Variants in IL16 observed in about 807,000 individuals in gnomAD.
IL16 encodes interleukin 16.
Under a neutral mutation model 110.1 loss-of-function variants are expected in IL16, and 67 were observed. That is an observed-to-expected ratio of 0.61 (90% CI 0.50 to 0.75). The LOEUF is 0.75. Ranked by LOEUF, IL16 falls within the 30% of genes least tolerant of loss-of-function variation. The pLI is 0.00. For synonymous variants in IL16, 689 were observed against 662.9 expected (o/e 1.04, Z -0.61); for missense variants, 1,545 against 1,655.0 (o/e 0.93, Z 1.15).
chr15:81,199,202 C>A (rs1895721417), intron 1 of IL16, among the ~76,000 whole-genome samples: 1 of 151,928 alleles, frequency 6.6e-6, no homozygotes, highest in Admixed American at 6.6e-5. Context: ...GCAAAATAAA[C>A]AAATAGTTCC....
In IL16 at chr15:81,216,377, G is replaced by T. The variant is rs555725315; in HGVS notation, c.-101-8922G>T. On this transcript the variant is annotated intron_variant, in intron 1 of 18. Transcript: ENST00000683961. The stretch of plus-strand genomic sequence containing the variant: ...TCACTGCTTTCCCAGGAGCTGTTTG[G>T]GCCAGGAACTAGCCTAATAGCGTTT... Among the ~76,000 whole-genome samples the T allele has an allele frequency of 1.1e-3, 167 of 152,256 alleles. 2 individuals carry two copies. Among genetic ancestry groups the T allele is most frequent in the South Asian group, 5.2e-3 (25 of 4,816 alleles).
chr15:81,307,288 G>A (rs17875541), intron 18 of IL16, among the ~76,000 whole-genome samples: 3,650 of 152,296 alleles, frequency 0.024, 157 homozygotes, highest in African/African-American at 0.084. Context: ...TGCCTGTAAT[G>A]TGCTGAGTGA....
intron 1 of IL16, among the ~76,000 whole-genome samples, chr15:81,184,951 G>A (rs921275420): frequency 6.6e-6 from 1 of 152,174 alleles, no homozygotes; most frequent in African/African-American, 2.4e-5. Context: ...GGGTCCTGTG[G>A]TCTCCACCAT....
At chr15:81,238,654 T>TA (rs1161615155) in intron 2 of IL16, among the ~76,000 whole-genome samples, 1 of 152,056 alleles carries the variant, frequency 6.6e-6, no homozygotes, top group East Asian at 1.9e-4. Flanking sequence ...AAAATATAAG[T>TA]AAAAAAACTC....
chr15:81,189,846 A>T (rs1895471570), intron 1 of IL16, among the ~76,000 whole-genome samples: 2 of 152,252 alleles, frequency 1.3e-5, no homozygotes, highest in South Asian at 4.1e-4. Context: ...CAGTCATGTC[A>T]TGACAACAAC....
At chr15:81,243,334 C>A (rs1208514861) in intron 2 of IL16, among the ~76,000 whole-genome samples, 1 of 150,126 alleles carries the variant, frequency 6.7e-6, no homozygotes, top group African/African-American at 2.4e-5. Context: ...TGCCACCATG[C>A]CTGGCTAATT....
intron 1 of IL16, among the ~76,000 whole-genome samples, chr15:81,206,602 T>C (rs1896025514): frequency 6.6e-6 from 1 of 151,902 alleles, no homozygotes; most frequent in Non-Finnish European, 1.5e-5. Flanking sequence ...TTCCAACAAA[T>C]AAAAATAAGA....
At chr15:81,197,755 C>G (rs927604082) in intron 1 of IL16, among the ~76,000 whole-genome samples, 2 of 151,856 alleles carry the variant, frequency 1.3e-5, no homozygotes, top group African/African-American at 4.8e-5. Context: ...TGGTCCATAG[C>G]AAGTTTGCTT....
At chr15:81,214,255 G>A (rs538219580) in intron 1 of IL16, among the ~76,000 whole-genome samples, 2 of 152,156 alleles carry the variant, frequency 1.3e-5, no homozygotes, top group African/African-American at 4.8e-5. Context: ...GTGGTAGCAG[G>A]TGTCATCCTT....
chr15:81,198,128 G>A (rs924474622), intron 1 of IL16, among the ~76,000 whole-genome samples: 3 of 152,296 alleles, frequency 2.0e-5, no homozygotes, highest in South Asian at 2.1e-4. Context: ...GGCATGAGCC[G>A]TCAGGTGGGT....
chr15:81,289,647 C>T (rs528836709), intron 10 of IL16, among the ~76,000 whole-genome samples: 1 of 151,988 alleles, frequency 6.6e-6, no homozygotes, highest in African/African-American at 2.4e-5. Flanking sequence ...GTTGTTGTTG[C>T]TGAGTTGTAG....
intron 2 of IL16, among the ~76,000 whole-genome samples, chr15:81,228,840 C>T (rs574400350): frequency 4.6e-5 from 7 of 152,260 alleles, no homozygotes; most frequent in African/African-American, 1.2e-4. Flanking sequence ...GTCTGCCTTT[C>T]GCAGTTACTA....
intron 12 of IL16, among the ~76,000 whole-genome samples, chr15:81,293,495 G>A (rs761863913): frequency 1.2e-4 from 19 of 152,152 alleles, no homozygotes; most frequent in Non-Finnish European, 2.4e-4. Context: ...GAGCTCAGGA[G>A]TTCAAGACCA....
chr15:81,308,641 G>A lies in IL16; in HGVS notation c.3842G>A (p.Gly1281Glu), dbSNP rs1169935241. ...ASEQSETVQP[G>E]DEILQLGGTA... is the part of the protein sequence containing the mutation. ...GAACAAAGTGAGACAGTCCAGCCTG[G>A]AGATGAAATCTTACAGCTGGGTGGC... is the stretch of plus-strand genomic sequence containing the variant. The change falls in exon 19 of 19, where the codon GGA becomes GAA. Residue 1281 changes from glycine (G) to glutamate (E), a missense_variant. By Grantham distance (98) the Gly-to-Glu change is moderately conservative (BLOSUM62 -2). Coordinates refer to ENST00000683961, the MANE Select transcript of IL16 (RefSeq NM_172217.5). 11 of 1,613,340 alleles carry A rather than the reference G, an allele frequency of 6.8e-6. No homozygotes were observed. Among genetic ancestry groups the A allele is most frequent in the Non-Finnish European group, 1.7e-6 (2 of 1,179,672 alleles).
At chr15:81,271,872 T>C (rs1189830790) in intron 5 of IL16, among the ~76,000 whole-genome samples, 1 of 152,218 alleles carries the variant, frequency 6.6e-6, no homozygotes, top group Non-Finnish European at 1.5e-5. Context: ...GTCAAGAAGA[T>C]GGAGGACAGC....
At position 81,265,814 on chromosome 15, in the gene IL16, G is replaced by A; in HGVS notation, c.564+13G>A. 1 of 1,606,108 alleles carries A rather than the reference G, an allele frequency of 6.2e-7. No homozygotes were observed. Among genetic ancestry groups the A allele is most frequent in the Non-Finnish European group, 8.5e-7 (1 of 1,175,684 alleles). On this transcript the variant is annotated intron_variant, in intron 4 of 18. Transcript: ENST00000683961. ...AGGAAAGGCTGCGGTAAGAATGGAA[G>A]GAGGGAAACTCAGAGAAGAGTTTCT...
chr15:81,249,983 A>T (rs1278120486), intron 2 of IL16, among the ~76,000 whole-genome samples: 2 of 152,028 alleles, frequency 1.3e-5, no homozygotes, highest in African/African-American at 4.8e-5. Flanking sequence ...TAATTTTTTT[A>T]AATTTTGTGC....
intron 12 of IL16, chr15:81,295,395 A>G (rs1899936353): frequency 1.6e-6 from 2 of 1,261,246 alleles, no homozygotes; most frequent in Non-Finnish European, 2.1e-6. Context: ...AAAAGACAAA[A>G]CACATTTGTG....
rs548870189 is a variant in IL16 at position 81,271,003 on chromosome 15, G to A, written c.675+1355G>A. Among the ~76,000 whole-genome samples, 10 of 152,296 alleles carry A rather than the reference G, an allele frequency of 6.6e-5. No individual in the cohort carries two copies. The South Asian group carries it at 1.9e-3, about 28-fold the overall frequency. On this transcript the variant is annotated intron_variant, in intron 5 of 18. Coordinates refer to ENST00000683961, the MANE Select transcript of IL16 (RefSeq NM_172217.5). ...GGAGGAGTTAGAGCCAGAGGGATCA[G>A]CAAGTGCTTGAGGTAGAGTCAAAAG...
Sources: gnomAD v4.1 joint callset for allele counts (sites outside exome capture counted in the v4.1 genomes callset) on GRCh38, gnomAD v4.1.1 for gene constraint, MANE v1.5 for transcripts, NCBI Gene and HGNC (gene_info 2026-07-23, HGNC 2026-07-21) for gene names.